The following DPP10 variants were observed in gnomAD, a reference collection of about 807,000 sequenced individuals.
The protein encoded by DPP10 is inactive dipeptidyl peptidase 10.
In DPP10, 33 loss-of-function variants were observed where a neutral mutation model predicts 120.9. The ratio of observed to expected loss-of-function variants is 0.27; its 90% CI spans 0.21 to 0.37. The LOEUF is 0.37. Ranked by LOEUF, DPP10 falls within the 10% of genes least tolerant of loss-of-function variation. DPP10 has a pLI of 1.00. For missense variants in DPP10, 816 were observed against 942.8 expected (o/e 0.87, Z 1.76); for synonymous variants, 337 against 326.1 (o/e 1.03, Z -0.36).
intron 5 of DPP10, among the ~76,000 whole-genome samples, chr2:115,683,144 A>G (rs1432260869): frequency 6.6e-6 from 1 of 151,944 alleles, no homozygotes; most frequent in African/African-American, 2.4e-5. Flanking sequence ...TATCTAGACT[A>G]TGCAATATTG....
At chr2:114,485,997 C>G (rs1681484203) in intron 1 of DPP10, among the ~76,000 whole-genome samples, 1 of 152,174 alleles carries the variant, frequency 6.6e-6, no homozygotes, top group Admixed American at 6.6e-5. Flanking sequence ...TGCTTGTACT[C>G]TCTGATACAA....
chr2:115,780,828 C>G, intron 15 of DPP10, 46 bp from the exon 16 acceptor site: 2 of 1,569,272 alleles, frequency 1.3e-6, no homozygotes, highest in South Asian at 2.4e-5. Flanking sequence ...ATTCAAGTGC[C>G]TAGAATAGTA....
chr2:115,158,517 T>C (rs942518789), intron 1 of DPP10, among the ~76,000 whole-genome samples: 1 of 152,210 alleles, frequency 6.6e-6, no homozygotes, highest in Admixed American at 6.5e-5. Context: ...GGTAATCCAT[T>C]TTCAGAAAGA....
intron 15 of DPP10, among the ~76,000 whole-genome samples, chr2:115,780,125 T>G (rs575003945): frequency 5.9e-5 from 9 of 152,120 alleles, no homozygotes; most frequent in Admixed American, 1.3e-4. Context: ...AGTGTTTTCA[T>G]CCATTGACCT....
chr2:115,803,584 C>T (rs1685536449), intron 19 of DPP10, among the ~76,000 whole-genome samples: 1 of 152,080 alleles, frequency 6.6e-6, no homozygotes, highest in South Asian at 2.1e-4. Context: ...TGTTCCTTTC[C>T]ATGTTTAGTG....
At chr2:114,611,743 A>G (rs1354803950) in intron 1 of DPP10, among the ~76,000 whole-genome samples, 1 of 152,226 alleles carries the variant, frequency 6.6e-6, no homozygotes, top group Non-Finnish European at 1.5e-5. Flanking sequence ...TAATAAATTA[A>G]TAAATCACCC....
intron 1 of DPP10, among the ~76,000 whole-genome samples, chr2:114,618,654 A>G (rs954050352): frequency 2.6e-5 from 4 of 152,046 alleles, no homozygotes; most frequent in South Asian, 2.1e-4. Context: ...GGATTAAAAT[A>G]TAATCAAAAC....
chr2:115,684,655 C>A (rs1319026085), intron 5 of DPP10, among the ~76,000 whole-genome samples: 2 of 151,668 alleles, frequency 1.3e-5, no homozygotes, highest in Non-Finnish European at 2.9e-5. Context: ...CTTTTGTATC[C>A]AGAGATACAA....
intron 1 of DPP10, among the ~76,000 whole-genome samples, chr2:115,239,516 G>A (rs2105553425): frequency 6.6e-6 from 1 of 152,212 alleles, no homozygotes; most frequent in East Asian, 1.9e-4. Context: ...GCATTTTTTG[G>A]CAATAAAGTG....
intron 1 of DPP10, among the ~76,000 whole-genome samples, chr2:114,623,229 T>G (rs1384834682): frequency 6.6e-6 from 1 of 152,068 alleles, no homozygotes; most frequent in East Asian, 1.9e-4. Flanking sequence ...AGAAATAATG[T>G]GCATCGTATG....
intron 3 of DPP10, among the ~76,000 whole-genome samples, chr2:115,463,364 T>A (rs901873524): frequency 3.3e-5 from 5 of 152,322 alleles, no homozygotes; most frequent in African/African-American, 9.6e-5. Context: ...CTGAACTAAT[T>A]ATGATGCTTT....
At chr2:115,245,524 C>A (rs1444838216) in intron 1 of DPP10, among the ~76,000 whole-genome samples, 2 of 151,966 alleles carry the variant, frequency 1.3e-5, no homozygotes, top group African/African-American at 2.4e-5. Flanking sequence ...TTTTACACTG[C>A]TAGTCAAAAT....
chr2:114,846,918 A>G (rs1259341661), intron 1 of DPP10, among the ~76,000 whole-genome samples: 1 of 152,146 alleles, frequency 6.6e-6, no homozygotes, highest in Non-Finnish European at 1.5e-5. Flanking sequence ...TCTAAAACAC[A>G]AAATCTGATT....
At chr2:115,332,972 T>G (rs184713401) in intron 2 of DPP10, among the ~76,000 whole-genome samples, 1 of 152,264 alleles carries the variant, frequency 6.6e-6, no homozygotes, top group Admixed American at 6.5e-5. Context: ...AATTCCTGGA[T>G]GTCCTTTTTA....
chr2:115,459,265 G>A (rs537784901), intron 3 of DPP10, among the ~76,000 whole-genome samples: 5 of 151,442 alleles, frequency 3.3e-5, no homozygotes, highest in South Asian at 4.2e-4. Context: ...CAAGTGATTC[G>A]TCTGCCTCAG....
intron 3 of DPP10, among the ~76,000 whole-genome samples, chr2:115,421,779 G>A (rs532743163): frequency 7.7e-4 from 115 of 149,012 alleles, no homozygotes; most frequent in Admixed American, 2.0e-3. Context: ...GCTGAGGCAG[G>A]AGAATCGCTT....
chr2:114,993,580 G>GTGTATATATATATATATA (rs71394121), intron 1 of DPP10, among the ~76,000 whole-genome samples: 68 of 97,328 alleles, frequency 7.0e-4, no homozygotes, highest in African/African-American at 1.7e-3. Context: ...GTGTGTGTGT[G>GTGTATATATATATATATA]TATATATATA....
Position 114,833,792 on chromosome 2 carries a change from A to G in DPP10, c.60+390954A>G, listed in dbSNP as rs898094944. On this transcript the variant is annotated intron_variant, in intron 1 of 25. Coordinates refer to ENST00000410059, the MANE Select transcript of DPP10 (RefSeq NM_020868.6). The stretch of plus-strand genomic sequence containing the variant: ...CCAAAGCCTGGCACGTGATAAGAAT[A>G]CAATAAACTATACCTATAGTCAGGG... 8 of 152,190 alleles carry G rather than the reference A, an allele frequency of 5.3e-5. No individual in the cohort carries two copies. In the South Asian group the frequency reaches 6.2e-4, roughly 12 times the overall value. The allele number at this position is 152,190 out of a possible 1,614,324, so 9.4% of individuals were successfully genotyped here.
chr2:115,398,934 C>T (rs920716731), intron 3 of DPP10, among the ~76,000 whole-genome samples: 1 of 152,066 alleles, frequency 6.6e-6, no homozygotes, highest in African/African-American at 2.4e-5. Context: ...CTCAATAACC[C>T]AGTATAATTT....
Sources: allele counts gnomAD v4.1 joint callset (sites outside exome capture counted in the v4.1 genomes callset), GRCh38; gene constraint gnomAD v4.1.1; transcripts MANE v1.5; gene names NCBI Gene and HGNC (gene_info 2026-07-23, HGNC 2026-07-21).